TLK1: variants seen among roughly 807,000 people sequenced by gnomAD.
TLK1 encodes the protein tousled like kinase 1, also known as serine/threonine-protein kinase tousled-like 1.
A neutral mutation model predicts 105.3 loss-of-function variants in TLK1; 24 were observed. The observed-to-expected ratio is 0.23, with a 90% CI of 0.17 to 0.32. The LOEUF is 0.32. Among genes scored for constraint, TLK1 ranks in the 10% least tolerant of loss-of-function variants. The pLI is 1.00. For synonymous variants in TLK1, 321 were observed against 310.4 expected (o/e 1.03, Z -0.36); for missense variants, 558 against 910.5 (o/e 0.61, Z 4.98).
chr2:171,006,031 T>A (rs1337152188), intron 18 of TLK1, 116 bp downstream of exon 18: 1 of 1,080,626 alleles, frequency 9.3e-7, no homozygotes, highest in African/African-American at 1.6e-5. Flanking sequence ...TTAATATCAG[T>A]ACCTTTACCA....
chr2:171,100,295 G>C (rs1304949493), intron 2 of TLK1, among the ~76,000 whole-genome samples: 1 of 152,146 alleles, frequency 6.6e-6, no homozygotes, highest in East Asian at 1.9e-4. Context: ...TCCAAAGTGT[G>C]GCGGTGTGGG....
intron 8 of TLK1, among the ~76,000 whole-genome samples, chr2:171,053,325 A>C (rs1447110928): frequency 6.6e-6 from 1 of 152,042 alleles, no homozygotes; most frequent in African/African-American, 2.4e-5. Context: ...TCAATCATGT[A>C]CTTAAACTAA....
chr2:171,041,261 T>C (rs980502589), intron 11 of TLK1, among the ~76,000 whole-genome samples: 7 of 152,234 alleles, frequency 4.6e-5, no homozygotes, highest in Non-Finnish European at 7.3e-5. Context: ...GTACATGCAT[T>C]ACCTCCTACC....
intron 4 of TLK1, 124 bp downstream of exon 4, chr2:171,060,957 C>A: frequency 2.3e-6 from 2 of 884,256 alleles, no homozygotes; most frequent in South Asian, 3.5e-5. Flanking sequence ...ACACTAACTA[C>A]CTGTGCACAC....
chr2:171,079,526 T>C (rs1363846126), intron 3 of TLK1, among the ~76,000 whole-genome samples: 2 of 152,214 alleles, frequency 1.3e-5, no homozygotes. Context: ...GCAATAAATG[T>C]TTACTGAAAA....
At chr2:171,015,658 A>G (rs1685147298) in intron 12 of TLK1, among the ~76,000 whole-genome samples, 1 of 149,330 alleles carries the variant, frequency 6.7e-6, no homozygotes, top group South Asian at 2.1e-4. Context: ...AAGTACACAT[A>G]TCACTCATGT....
intron 1 of TLK1, among the ~76,000 whole-genome samples, chr2:171,139,608 AAACAAC>A (rs545847770): frequency 2.6e-5 from 4 of 151,966 alleles, no homozygotes; most frequent in Non-Finnish European, 2.9e-5. Context: ...ACAAACAAAC[AAACAAC>A]AACAACAACA....
intron 3 of TLK1, among the ~76,000 whole-genome samples, chr2:171,067,157 T>C (rs1322854185): frequency 7.9e-6 from 1 of 126,152 alleles, no homozygotes; most frequent in Non-Finnish European, 1.7e-5. Context: ...TATGTGCACT[T>C]AGGTTTTTTT....
chr2:171,107,715 T>C (rs1001523359), intron 2 of TLK1, among the ~76,000 whole-genome samples: 4 of 152,010 alleles, frequency 2.6e-5, no homozygotes, highest in African/African-American at 9.7e-5. Flanking sequence ...CTGGCCAAAT[T>C]TGGGACAATT....
intron 12 of TLK1, among the ~76,000 whole-genome samples, chr2:171,015,733 C>CACACA (rs1685169621): frequency 6.6e-3 from 54 of 8,160 alleles, no homozygotes; most frequent in Middle Eastern, 0.042. Context: ...ACACACACAC[C>CACACA]CACCCCTTTT....
intron 2 of TLK1, among the ~76,000 whole-genome samples, chr2:171,111,067 G>GA (rs1170667363): frequency 4.0e-5 from 6 of 151,006 alleles, no homozygotes; most frequent in African/African-American, 1.2e-4. Flanking sequence ...AAAGGGAGAA[G>GA]AAAAAAACAG....
chr2:171,086,528 A>T (rs2105482440), intron 2 of TLK1, among the ~76,000 whole-genome samples: 1 of 152,094 alleles, frequency 6.6e-6, no homozygotes, highest in African/African-American at 2.4e-5. Flanking sequence ...AGAGAGTCTG[A>T]GGCAGGAGAA....
intron 1 of TLK1, among the ~76,000 whole-genome samples, chr2:171,220,312 G>C (rs1273257937): frequency 2.0e-5 from 3 of 152,196 alleles, no homozygotes; most frequent in Non-Finnish European, 4.4e-5. Context: ...CAGCCTTCAA[G>C]ATGAGCCCTG....
At chr2:171,089,608 T>TA (rs754805238) in intron 2 of TLK1, among the ~76,000 whole-genome samples, 31 of 152,342 alleles carry the variant, frequency 2.0e-4, no homozygotes, top group South Asian at 8.3e-4. Flanking sequence ...TGCTGGACTT[T>TA]ATTCTCTTTC....
At chr2:171,030,712 G>C (rs1466788121) in intron 11 of TLK1, among the ~76,000 whole-genome samples, 1 of 151,814 alleles carries the variant, frequency 6.6e-6, no homozygotes, top group Non-Finnish European at 1.5e-5. Flanking sequence ...CCATAGTATG[G>C]GCTCATAACT....
At chr2:171,175,949 T>C (rs189980195) in intron 1 of TLK1, among the ~76,000 whole-genome samples, 2 of 152,140 alleles carry the variant, frequency 1.3e-5, no homozygotes, top group South Asian at 2.1e-4. Context: ...TTTGTTTTTG[T>C]TTTTGAGACG....
In TLK1 at chr2:170,993,233, C is replaced by A. The variant is rs573779043; in HGVS notation, c.*547G>T. 2.0e-5 allele frequency: 3 copies of A among 152,724 alleles called. No homozygotes were observed. The highest frequency in any genetic ancestry group is 6.5e-5 in the Admixed American group (1 of 15,298). The allele number at this position is 152,724 out of a possible 1,614,324, so 9.5% of individuals were successfully genotyped here. A position where few individuals can be genotyped will look rare whatever the true frequency, so the allele number is the denominator to read the frequency against. ...CAAAGCCTAACTTTGTCCAAAGATTCTAACTCTCACATTCTATTACTATAA... is the reference window on the plus strand; with the variant it reads ...CAAAGCCTAACTTTGTCCAAAGATTATAACTCTCACATTCTATTACTATAA... On this transcript the variant is annotated 3_prime_UTR_variant, in exon 21 of 21. Coordinates refer to ENST00000431350, the MANE Select transcript of TLK1 (RefSeq NM_012290.5).
chr2:171,079,418 T>C (rs1688652298), intron 3 of TLK1, among the ~76,000 whole-genome samples: 1 of 152,248 alleles, frequency 6.6e-6, no homozygotes. Context: ...TCTAAATGTT[T>C]GTTCTACTAA....
intron 1 of TLK1, among the ~76,000 whole-genome samples, chr2:171,149,311 AT>A (rs1691936531): frequency 6.6e-6 from 1 of 152,042 alleles, no homozygotes; most frequent in African/African-American, 2.4e-5. Context: ...TTCTCATTCA[AT>A]TTCACAACCT....
Sources: gnomAD v4.1 joint callset for allele counts (sites outside exome capture counted in the v4.1 genomes callset) on GRCh38, gnomAD v4.1.1 for gene constraint, MANE v1.5 for transcripts, NCBI Gene and HGNC (gene_info 2026-07-23, HGNC 2026-07-21) for gene names.